Variants in ABCB7 observed in about 807,000 individuals in gnomAD.
ABCB7 encodes iron-sulfur clusters transporter ABCB7, mitochondrial.
Under a neutral mutation model 54.4 loss-of-function variants are expected in ABCB7, and 7 were observed. The ratio of observed to expected loss-of-function variants is 0.13; its 90% CI spans 0.07 to 0.24. ABCB7 has a LOEUF of 0.24. Ranked by LOEUF, ABCB7 falls within the 10% of genes least tolerant of loss-of-function variation. The probability of loss-of-function intolerance (pLI) is 1.00; values close to 1 mark genes in which losing one functional copy is unlikely to be tolerated. For synonymous variants in ABCB7, 218 were observed against 207.1 expected, an observed-to-expected ratio of 1.05 and a Z score of -0.45; for missense variants, 356 against 570.4, an observed-to-expected ratio of 0.62 and a Z score of 3.83.
chrX:75,067,632 C>T (rs2081331243), intron 12 of ABCB7, among the ~76,000 whole-genome samples: 1 of 110,794 alleles, frequency 9.0e-6, no homozygotes, highest in Non-Finnish European at 1.9e-5. Context: ...TTACAGACAC[C>T]TGCCACCATG....
At chrX:75,104,164 G>A (rs1239764467) in intron 3 of ABCB7, among the ~76,000 whole-genome samples, 1 of 94,333 alleles carries the variant, frequency 1.1e-5, no homozygotes, top group African/African-American at 3.8e-5. Flanking sequence ...ATTATGTTGA[G>A]TTTTTCTATG....
Position 75,156,090 on chromosome X carries a change from T to C in ABCB7, c.168+15A>G. ...TTGCCCTTCACCCTATTCTTCCATGTCAGTGGCATCTCACCTGGTAGGCTC... is the reference window on the plus strand; with the variant it reads ...TTGCCCTTCACCCTATTCTTCCATGCCAGTGGCATCTCACCTGGTAGGCTC... On this transcript the variant is annotated intron_variant, in intron 1 of 15. Transcript: ENST00000373394. 8.3e-7 allele frequency: 1 copy of C among 1,209,879 alleles called. No homozygotes were observed. Among genetic ancestry groups the C allele is most frequent in the East Asian group, 3.0e-5 (1 of 33,772 alleles).
chrX:75,085,614 A>G (rs2081490770), intron 4 of ABCB7, among the ~76,000 whole-genome samples: 1 of 111,048 alleles, frequency 9.0e-6, no homozygotes, highest in Non-Finnish European at 1.9e-5. Context: ...TAAAATAAAT[A>G]AAGCCAGCAT....
intron 1 of ABCB7, among the ~76,000 whole-genome samples, chrX:75,145,414 G>C (rs1006424308): frequency 9.0e-6 from 1 of 111,644 alleles, no homozygotes; most frequent in Admixed American, 9.5e-5. Context: ...AGGACTCAAG[G>C]TTGGTTCAAC....
At chrX:75,091,810 A>G (rs1466641933) in intron 4 of ABCB7, among the ~76,000 whole-genome samples, 3 of 111,806 alleles carry the variant, frequency 2.7e-5, no homozygotes, top group Non-Finnish European at 5.7e-5. Flanking sequence ...TGAAATAAAA[A>G]ATACAACACC....
chrX:75,147,466 A>G (rs2082100160), intron 1 of ABCB7, among the ~76,000 whole-genome samples: 1 of 112,067 alleles, frequency 8.9e-6, no homozygotes, highest in South Asian at 3.7e-4. Flanking sequence ...TGGTACAAAT[A>G]TATCATGGAA....
At chrX:75,067,788 A>G (rs2081332960) in intron 12 of ABCB7, among the ~76,000 whole-genome samples, 1 of 111,169 alleles carries the variant, frequency 9.0e-6, no homozygotes, top group African/African-American at 3.3e-5. Context: ...CCCAGCCTAG[A>G]TTAGTGTTAC....
Position 75,114,759 on chromosome X carries a change from C to T in ABCB7, c.241G>A (p.Ala81Thr), listed in dbSNP as rs147709009. 49 of 1,196,291 alleles carry T rather than the reference C, an allele frequency of 4.1e-5. No individual in the cohort carries two copies. The highest frequency in any genetic ancestry group is 1.3e-4 in the Admixed American group (6 of 45,407). Residue 81 changes from alanine (A) to threonine (T), a missense_variant, in exon 2 of 16, where the codon GCA (alanine) becomes ACA (threonine). By Grantham distance (58) the Ala-to-Thr change is moderately conservative. Coordinates refer to ENST00000373394, the MANE Select transcript of ABCB7 (RefSeq NM_001271696.3). ...KGNSGQFLDA[A>T]KALQVWPLIE... ...ACATGTTTGCTCAATCTTACCTTTG[C>T]AGCATCTAAGAACTGTCCTGAATTG...
At chrX:75,152,221 T>C (rs1451132239) in intron 1 of ABCB7, among the ~76,000 whole-genome samples, 1 of 112,378 alleles carries the variant, frequency 8.9e-6, no homozygotes, top group African/African-American at 3.2e-5. Context: ...AAAATTCCTA[T>C]ATTGAAACTT....
intron 9 of ABCB7, among the ~76,000 whole-genome samples, chrX:75,070,949 C>T (rs138944718): frequency 2.1e-5 from 2 of 97,230 alleles, no homozygotes; most frequent in Admixed American, 1.2e-4. Flanking sequence ...CAAAATGAAA[C>T]AACAACAACA....
At chrX:75,120,720 T>G (rs777761770) in intron 1 of ABCB7, among the ~76,000 whole-genome samples, 2 of 111,660 alleles carry the variant, frequency 1.8e-5, no homozygotes, top group African/African-American at 3.3e-5. Context: ...CTTTAAGGAA[T>G]GTAACTTGAC....
At chrX:75,088,720 G>A (rs2081520259) in intron 4 of ABCB7, among the ~76,000 whole-genome samples, 2 of 109,735 alleles carry the variant, frequency 1.8e-5, no homozygotes, top group African/African-American at 6.6e-5. Context: ...AAGGAAAAGG[G>A]AAAAGGAACA....
At chrX:75,147,210 C>T (rs1306241526) in intron 1 of ABCB7, among the ~76,000 whole-genome samples, 2 of 111,530 alleles carry the variant, frequency 1.8e-5, no homozygotes, top group African/African-American at 6.5e-5. Flanking sequence ...CACTTATATG[C>T]ACTGTTGGTG....
At chrX:75,139,827 T>A (rs1432923098) in intron 1 of ABCB7, among the ~76,000 whole-genome samples, 2 of 111,984 alleles carry the variant, frequency 1.8e-5, no homozygotes, top group African/African-American at 6.5e-5. Flanking sequence ...AAGTGTATAA[T>A]CATACAGGCT....
chrX:75,138,699 C>A (rs779278738), intron 1 of ABCB7, among the ~76,000 whole-genome samples: 21 of 111,469 alleles, frequency 1.9e-4, no homozygotes, highest in Non-Finnish European at 3.6e-4. Flanking sequence ...TTATCCCAGA[C>A]TTGCTGAACA....
chrX:75,086,143 A>G (rs6647086), intron 4 of ABCB7, among the ~76,000 whole-genome samples: 31,214 of 110,584 alleles, frequency 0.28, 6,329 homozygotes, highest in East Asian at 0.91. Flanking sequence ...CACCATGCCC[A>G]GCCTCAGGAA....
chrX:75,105,806 C>A (rs2081694036), intron 3 of ABCB7, among the ~76,000 whole-genome samples: 1 of 111,217 alleles, frequency 9.0e-6, no homozygotes, highest in South Asian at 3.7e-4. Context: ...TATAAAAATA[C>A]ACACATAAAT....
chrX:75,122,894 G>GTA (rs2081892681), intron 1 of ABCB7, among the ~76,000 whole-genome samples: 2 of 108,505 alleles, frequency 1.8e-5, no homozygotes, highest in African/African-American at 6.8e-5. Flanking sequence ...GTGTGTGTGT[G>GTA]TAAGTTGTGT....
At chrX:75,122,715 A>G (rs1247993675) in intron 1 of ABCB7, among the ~76,000 whole-genome samples, 1 of 111,977 alleles carries the variant, frequency 8.9e-6, no homozygotes, top group Non-Finnish European at 1.9e-5. Flanking sequence ...AGCTATCCTA[A>G]CAGATATGAA....
Sources: gnomAD v4.1 joint callset for allele counts (sites outside exome capture counted in the v4.1 genomes callset) on GRCh38, gnomAD v4.1.1 for gene constraint, MANE v1.5 for transcripts, NCBI Gene and HGNC (gene_info 2026-07-23, HGNC 2026-07-21) for gene names.